ZFPM1: variants seen among roughly 807,000 people sequenced by gnomAD.
ZFPM1 encodes zinc finger protein, FOG family member 1.
A neutral mutation model predicts 46.3 loss-of-function variants in ZFPM1; 28 were observed. The ratio of observed to expected loss-of-function variants is 0.60; its 90% CI spans 0.45 to 0.83. The LOEUF (loss-of-function observed/expected upper bound fraction) is 0.83. ZFPM1 is among the 40% of genes least tolerant of loss of function. The pLI, the probability that ZFPM1 is intolerant of heterozygous loss-of-function variation, is 0.00. For synonymous variants in ZFPM1, 957 were observed against 675.9 expected (o/e 1.42, Z -6.45); for missense variants, 1,878 against 1,432.4 (o/e 1.31, Z -5.02).
chr16:88,532,371 G>C (rs939819878), intron 7 of ZFPM1, 136 bp downstream of exon 7: 2 of 991,830 alleles, frequency 2.0e-6, no homozygotes, highest in Non-Finnish European at 2.9e-6. Context: ...GCACACCCAG[G>C]GCCCCCGCAG....
rs1438800951 is a variant in ZFPM1, at chr16:88,461,183, CGGGGCGGGAGGCCTGGTGAGGACCCA to C, written c.40+7536_40+7561del. 7.6e-3 allele frequency among the ~76,000 whole-genome samples: 265 copies of C among 34,714 alleles called. 5 individuals carry two copies. The highest frequency in any genetic ancestry group is 0.026 in the African/African-American group (119 of 4,636). 22.8% of individuals were successfully genotyped at this position (34,714 alleles called of 152,430 possible). A position where few individuals can be genotyped will look rare whatever the true frequency, so the allele number is the denominator to read the frequency against. On this transcript the variant is annotated intron_variant, in intron 1 of 9. Coordinates refer to ENST00000319555, the MANE Select transcript of ZFPM1 (RefSeq NM_153813.3). ...GGGAGACCTGGTGAGGACCGAGGGG[CGGGGCGGGAGGCCTGGTGAGGACCCA>C]GGGGCGGGAGGCCTGGTGAGGACCC...
chr16:88,501,404 T>G (rs1256918045), intron 3 of ZFPM1, among the ~76,000 whole-genome samples: 1 of 123,164 alleles, frequency 8.1e-6, no homozygotes, highest in Non-Finnish European at 1.7e-5. Flanking sequence ...CCGCAGGTGC[T>G]GGTGATGATG....
intron 3 of ZFPM1, among the ~76,000 whole-genome samples, chr16:88,489,655 C>T (rs1028612382): frequency 2.6e-5 from 4 of 152,210 alleles, no homozygotes; most frequent in Non-Finnish European, 5.9e-5. Context: ...CCACATACCC[C>T]GCGGGGCCTG....
chr16:88,453,803 C>A, intron 1 of ZFPM1, 125 bp downstream of exon 1: 1 of 518,844 alleles, frequency 1.9e-6, no homozygotes, highest in South Asian at 7.8e-5. Flanking sequence ...CCGCGCCGCG[C>A]CCCCCGCGCT....
At chr16:88,501,054 G>C (rs555442159) in intron 3 of ZFPM1, among the ~76,000 whole-genome samples, 61 of 144,176 alleles carry the variant, frequency 4.2e-4, no homozygotes, top group Non-Finnish European at 6.1e-5. Flanking sequence ...ACCACTGCTG[G>C]TGATGGAGGT....
intron 1 of ZFPM1, among the ~76,000 whole-genome samples, chr16:88,454,233 C>A (rs1034121431): frequency 2.0e-5 from 3 of 152,220 alleles, no homozygotes; most frequent in Non-Finnish European, 2.9e-5. Flanking sequence ...CGCCCACCCC[C>A]ACCGGTGCCG....
Position 88,526,800 on chromosome 16 carries a change from C to A in ZFPM1, c.403-14C>A, listed in dbSNP as rs772903638. ...ACGGACCCCTCCCCACGTGTTCCTACCCTCCCCCCCCAGAGCCCAGCCCTG... is the reference window on the plus strand; with the variant it reads ...ACGGACCCCTCCCCACGTGTTCCTAACCTCCCCCCCCAGAGCCCAGCCCTG... On this transcript the variant is annotated splice_polypyrimidine_tract_variant and intron_variant, in intron 4 of 9. Transcript: ENST00000319555. 2.4e-5 allele frequency: 30 copies of A among 1,255,664 alleles called. No individual in the cohort carries two copies. The highest frequency in any genetic ancestry group is 5.4e-5 in the South Asian group (4 of 74,678). The allele number at this position is 1,255,664 out of a possible 1,614,324, so 77.8% of individuals were successfully genotyped here. A position where few individuals can be genotyped will look rare whatever the true frequency, so the allele number is the denominator to read the frequency against.
At chr16:88,502,892 C>T (rs928194143) in intron 3 of ZFPM1, among the ~76,000 whole-genome samples, 1 of 152,268 alleles carries the variant, frequency 6.6e-6, no homozygotes, top group Non-Finnish European at 1.5e-5. Flanking sequence ...TCTGCACACA[C>T]GGTGGCCGGA....
intron 1 of ZFPM1, among the ~76,000 whole-genome samples, chr16:88,474,066 A>C (rs1474281219): frequency 6.6e-6 from 1 of 152,222 alleles, no homozygotes; most frequent in African/African-American, 2.4e-5. Flanking sequence ...AGCGGTGATG[A>C]ATGTTGAGTA....
chr16:88,479,500 C>T (rs1179678567), intron 1 of ZFPM1, among the ~76,000 whole-genome samples: 14 of 152,094 alleles, frequency 9.2e-5, no homozygotes, highest in Admixed American at 6.5e-4. Flanking sequence ...AGTCACCTTG[C>T]GCTCCCATAG....
At chr16:88,479,649 G>T (rs572557880) in intron 1 of ZFPM1, among the ~76,000 whole-genome samples, 9 of 152,014 alleles carry the variant, frequency 5.9e-5, no homozygotes, top group African/African-American at 2.2e-4. Flanking sequence ...TTATCTGGCC[G>T]CTGTGTGCCG....
At chr16:88,478,586 A>G (rs1225114686) in intron 1 of ZFPM1, among the ~76,000 whole-genome samples, 1 of 152,224 alleles carries the variant, frequency 6.6e-6, no homozygotes, top group East Asian at 1.9e-4. Context: ...AGAGGCACAC[A>G]TGCCCCCTCC....
At position 88,530,243 on chromosome 16, in the gene ZFPM1, T is replaced by C. The variant is rs147621316; in HGVS notation, c.713-1759T>C. Among the ~76,000 whole-genome samples, 202 of 152,042 alleles carry C rather than the reference T, an allele frequency of 1.3e-3. 2 individuals carry two copies. The highest frequency in any genetic ancestry group is 0.01 in the Middle Eastern group (3 of 294). On this transcript the variant is annotated intron_variant, in intron 6 of 9. Transcript: ENST00000319555. The stretch of plus-strand genomic sequence containing the variant: ...GGACAGCAGGCTGGTGAGGGTCCCG[T>C]CCTCCAGCAGGGTCCTTGCCCACAC...
Position 88,534,403 on chromosome 16 carries a change from C to G in ZFPM1, c.2445C>G (p.Asp815Glu). The change falls in exon 10 of 10, where the codon GAC becomes GAG. Residue 815 changes from aspartate (D) to glutamate (E), a missense_variant. Physicochemically the swap from Asp to Glu is conservative, Grantham distance 45. Transcript: ENST00000319555. ...LPGAPAPALA[D>E]YHECTACRVS... ...GAGCCCCGGCACCGGCGCTGGCCGA[C>G]TACCACGAGTGCACGGCCTGCCGCG... 6.7e-7 allele frequency: 1 copy of G among 1,481,600 alleles called. No homozygotes were observed. The highest frequency in any genetic ancestry group is 8.9e-7 in the Non-Finnish European group (1 of 1,122,646). 91.8% of individuals were successfully genotyped at this position (1,481,600 alleles called of 1,614,324 possible). A position where few individuals can be genotyped will look rare whatever the true frequency, so the allele number is the denominator to read the frequency against.
At chr16:88,502,528 A>T (rs1910423715) in intron 3 of ZFPM1, among the ~76,000 whole-genome samples, 2 of 152,158 alleles carry the variant, frequency 1.3e-5, no homozygotes, top group African/African-American at 4.8e-5. Context: ...CCCTGGAGTC[A>T]CTGTAGGTCT....
At chr16:88,464,141 G>A (rs115092326) in intron 1 of ZFPM1, among the ~76,000 whole-genome samples, 5,245 of 152,296 alleles carry the variant, frequency 0.034, 107 homozygotes, top group Non-Finnish European at 0.041. Context: ...TCTGTTTAGG[G>A]CCTGGGTGCC....
intron 1 of ZFPM1, among the ~76,000 whole-genome samples, chr16:88,474,450 G>A (rs892386496): frequency 6.6e-6 from 1 of 152,146 alleles, no homozygotes; most frequent in Non-Finnish European, 1.5e-5. Context: ...CATTCTGCTC[G>A]GTGTCTGATG....
At chr16:88,502,090 A>G (rs1021245862) in intron 3 of ZFPM1, among the ~76,000 whole-genome samples, 1 of 98,188 alleles carries the variant, frequency 1.0e-5, no homozygotes, top group Non-Finnish European at 1.9e-5. Context: ...TTATTTATTT[A>G]TTTATTTATT....
At position 88,533,427 on chromosome 16, in the gene ZFPM1, C is replaced by G. The variant is rs1456201080; in HGVS notation, c.1469C>G (p.Pro490Arg). The G allele has an allele frequency of 6.8e-7, 1 of 1,471,192 alleles. No individual in the cohort carries two copies. Among genetic ancestry groups the G allele is most frequent in the Non-Finnish European group, 8.9e-7 (1 of 1,121,256 alleles). 91.1% of individuals were successfully genotyped at this position (1,471,192 alleles called of 1,614,324 possible). The change falls in exon 10 of 10, where the codon CCG becomes CGG. Residue 490 changes from proline (P) to arginine (R), a missense_variant. Coordinates refer to ENST00000319555, the MANE Select transcript of ZFPM1 (RefSeq NM_153813.3). ...EPGPQAPSRT[P>R]SPRSPAPARV... ...GGGCCCCAGGCCCCGTCGCGGACGC[C>G]GTCGCCGCGCAGCCCCGCCCCGGCC...
Sources: gnomAD v4.1 joint callset for allele counts (sites outside exome capture counted in the v4.1 genomes callset) on GRCh38, gnomAD v4.1.1 for gene constraint, MANE v1.5 for transcripts, NCBI Gene and HGNC (gene_info 2026-07-23, HGNC 2026-07-21) for gene names.